AGK: variants seen among roughly 807,000 people sequenced by gnomAD.
AGK encodes the protein acylglycerol kinase, mitochondrial.
A neutral mutation model predicts 66.4 loss-of-function variants in AGK; 52 were observed. That is an observed-to-expected ratio of 0.78 (90% CI 0.63 to 0.99). The LOEUF is 0.99. Among genes scored for constraint, AGK ranks in the 50% least tolerant of loss-of-function variants. The pLI is 0.00. For synonymous variants in AGK, 182 were observed against 181.1 expected (o/e 1.00, Z -0.04); for missense variants, 451 against 506.6 (o/e 0.89, Z 1.05).
chr7:141,624,434 G>A (rs779594578), intron 9 of AGK, among the ~76,000 whole-genome samples: 4 of 152,144 alleles, frequency 2.6e-5, no homozygotes, highest in Admixed American at 6.5e-5. Flanking sequence ...TTCTGGAAAC[G>A]ATTCACCATT....
At chr7:141,575,854 C>T (rs1374276280) in intron 2 of AGK, among the ~76,000 whole-genome samples, 1 of 151,904 alleles carries the variant, frequency 6.6e-6, no homozygotes, top group East Asian at 1.9e-4. Context: ...TGAGGTAAAA[C>T]ATATTTTGGC....
intron 9 of AGK, among the ~76,000 whole-genome samples, chr7:141,633,190 T>G (rs780106137): frequency 6.6e-6 from 1 of 152,124 alleles, no homozygotes; most frequent in Non-Finnish European, 1.5e-5. Context: ...CTCTTAGACT[T>G]TAGATGAAAT....
At position 141,653,095 on chromosome 7, in the gene AGK, C is replaced by T. The variant is rs1383790382; in HGVS notation, c.*171C>T. 4.3e-6 allele frequency: 3 copies of T among 695,602 alleles called. No individual in the cohort carries two copies. The highest frequency in any genetic ancestry group is 3.6e-5 in the African/African-American group (2 of 55,706). 43.1% of individuals were successfully genotyped at this position (695,602 alleles called of 1,614,324 possible). A position where few individuals can be genotyped will look rare whatever the true frequency, so the allele number is the denominator to read the frequency against. ...GTGCTTCCCAAAGTGTGCTCTGTCA[C>T]CTGCTTTGCAATCGGCTTCCATTAG... On this transcript the variant is annotated 3_prime_UTR_variant, in exon 16 of 16. Transcript: ENST00000649286.
intron 2 of AGK, among the ~76,000 whole-genome samples, chr7:141,556,180 T>C (rs1162839514): frequency 1.3e-5 from 2 of 152,316 alleles, no homozygotes; most frequent in Non-Finnish European, 2.9e-5. Context: ...TTCTTTTGAG[T>C]TTCTGATTGG....
At chr7:141,557,456 A>G (rs1211257256) in intron 2 of AGK, among the ~76,000 whole-genome samples, 2 of 152,238 alleles carry the variant, frequency 1.3e-5, no homozygotes, top group Middle Eastern at 3.2e-3. Context: ...GGAGCATCCA[A>G]TCTAGGCCAT....
At chr7:141,643,960 A>G (rs1797347224) in intron 13 of AGK, among the ~76,000 whole-genome samples, 2 of 152,136 alleles carry the variant, frequency 1.3e-5, no homozygotes, top group Admixed American at 1.3e-4. Flanking sequence ...AAATATATGC[A>G]TACCTTCTGC....
chr7:141,643,187 G>A (rs1378268584), intron 13 of AGK, among the ~76,000 whole-genome samples: 1 of 152,080 alleles, frequency 6.6e-6, no homozygotes, highest in Non-Finnish European at 1.5e-5. Flanking sequence ...AAAACATTTG[G>A]AAAACATAGC....
chr7:141,570,804 CTG>C (rs914227891), intron 2 of AGK, among the ~76,000 whole-genome samples: 3 of 152,082 alleles, frequency 2.0e-5, no homozygotes, highest in African/African-American at 7.2e-5. Flanking sequence ...AATATTCAGT[CTG>C]TGTTTCTATT....
At chr7:141,568,503 C>G (rs1161028140) in intron 2 of AGK, among the ~76,000 whole-genome samples, 1 of 152,076 alleles carries the variant, frequency 6.6e-6, no homozygotes, top group Non-Finnish European at 1.5e-5. Flanking sequence ...ACTCCTTTGG[C>G]TCAGTGCTTC....
At chr7:141,609,887 T>A (rs1173010571) in intron 5 of AGK, among the ~76,000 whole-genome samples, 1 of 151,846 alleles carries the variant, frequency 6.6e-6, no homozygotes, top group Non-Finnish European at 1.5e-5. Context: ...ATTCCAGGGG[T>A]TTTAGGAACT....
chr7:141,632,707 C>T (rs1408796962), intron 9 of AGK, among the ~76,000 whole-genome samples: 1 of 152,236 alleles, frequency 6.6e-6, no homozygotes, highest in African/African-American at 2.4e-5. Context: ...CACTGAGTTG[C>T]TGCACGTTCT....
chr7:141,581,246 G>T (rs189021489), intron 2 of AGK, among the ~76,000 whole-genome samples: 157 of 152,074 alleles, frequency 1.0e-3, no homozygotes, highest in Middle Eastern at 6.8e-3. Flanking sequence ...GTCAGGGTCA[G>T]TCCAAGTGAA....
chr7:141,589,070 G>A (rs1286146086), intron 2 of AGK, among the ~76,000 whole-genome samples: 1 of 152,004 alleles, frequency 6.6e-6, no homozygotes, highest in Non-Finnish European at 1.5e-5. Context: ...CTACCTCCTG[G>A]GAATGCAGCC....
chr7:141,641,306 C>T lies in AGK; in HGVS notation c.785C>T (p.Pro262Leu), dbSNP rs755943030. The change falls in exon 12 of 16, where the codon CCC (proline) becomes CTC (leucine). Residue 262 changes from proline (P) to leucine (L), a missense_variant. Transcript: ENST00000649286. ...TACACGGGACCTACAGAGAGACCTC[C>T]CAATGAACCAGAGGAGACCCCTGTA... ...ISYTGPTERP[P>L]NEPEETPVQR... 3 of 1,613,930 alleles carry T rather than the reference C, an allele frequency of 1.9e-6. No individual in the cohort carries two copies. Among genetic ancestry groups the T allele is most frequent in the Admixed American group, 3.3e-5 (2 of 60,004 alleles).
Position 141,653,078 on chromosome 7 carries a change from C to A in AGK, c.*154C>A. The A allele has an allele frequency of 1.2e-6, 1 of 808,346 alleles. No individual in the cohort carries two copies. The highest frequency in any genetic ancestry group is 1.9e-6 in the Non-Finnish European group (1 of 524,600). The allele number at this position is 808,346 out of a possible 1,614,324, so 50.1% of individuals were successfully genotyped here. A position where few individuals can be genotyped will look rare whatever the true frequency, so the allele number is the denominator to read the frequency against. ...CTGCCCCCACTCCAGCAGTGCTTCC[C>A]AAAGTGTGCTCTGTCACCTGCTTTG... On this transcript the variant is annotated 3_prime_UTR_variant, in exon 16 of 16. Coordinates refer to ENST00000649286, the MANE Select transcript of AGK (RefSeq NM_018238.4).
At position 141,591,829 on chromosome 7, in the gene AGK, G is replaced by A. The variant is rs182672422; in HGVS notation, c.102-1317G>A. Among the ~76,000 whole-genome samples, 188 of 152,300 alleles carry A rather than the reference G, an allele frequency of 1.2e-3. 2 individuals are homozygous for A. Among genetic ancestry groups the A allele is most frequent in the African/African-American group, 4.3e-3 (179 of 41,568 alleles). ...TGTGCATTAGCACAAGCTCTTAGAT[G>A]AAGATTCTGGAGCCCCGGAGGTGAC... On this transcript the variant is annotated intron_variant, in intron 2 of 15. Coordinates refer to ENST00000649286, the MANE Select transcript of AGK (RefSeq NM_018238.4).
intron 2 of AGK, among the ~76,000 whole-genome samples, chr7:141,575,752 T>G (rs1288827580): frequency 1.4e-5 from 2 of 146,802 alleles, no homozygotes; most frequent in African/African-American, 5.1e-5. Flanking sequence ...AAAACAGGGA[T>G]TTTAGACCTG....
intron 5 of AGK, among the ~76,000 whole-genome samples, chr7:141,604,582 ATTTTTTTT>A (rs201589014): frequency 1.5e-5 from 2 of 135,378 alleles, no homozygotes; most frequent in African/African-American, 5.6e-5. Context: ...ATCTTGTAGA[ATTTTTTTT>A]TTTTTTTTTT....
chr7:141,629,004 C>T (rs1279230746), intron 9 of AGK, among the ~76,000 whole-genome samples: 1 of 152,192 alleles, frequency 6.6e-6, no homozygotes, highest in East Asian at 1.9e-4. Context: ...GAGGGGAGTT[C>T]ATGGGGAGTT....
Sources: gnomAD v4.1 joint callset for allele counts (sites outside exome capture counted in the v4.1 genomes callset) on GRCh38, gnomAD v4.1.1 for gene constraint, MANE v1.5 for transcripts, NCBI Gene and HGNC (gene_info 2026-07-23, HGNC 2026-07-21) for gene names.